ZEB2: variants seen among roughly 807,000 people sequenced by gnomAD.
The protein encoded by ZEB2 is zinc finger E-box-binding homeobox 2.
In ZEB2, 6 loss-of-function variants were observed where a neutral mutation model predicts 99.9. The ratio of observed to expected loss-of-function variants is 0.06; its 90% CI spans 0.03 to 0.12. The LOEUF (loss-of-function observed/expected upper bound fraction) is 0.12, where lower values mean the gene tolerates loss of function less well. Among genes scored for constraint, ZEB2 ranks in the 10% least tolerant of loss-of-function variants. The pLI, the probability that ZEB2 is intolerant of heterozygous loss-of-function variation, is 1.00. For synonymous variants in ZEB2, 517 were observed against 542.5 expected (o/e 0.95, Z 0.65); for missense variants, 969 against 1,502.8 (o/e 0.64, Z 5.87).
chr2:144,490,210 G>C (rs1035643844), intron 2 of ZEB2, among the ~76,000 whole-genome samples: 1 of 152,166 alleles, frequency 6.6e-6, no homozygotes, highest in African/African-American at 2.4e-5. Context: ...TCACTTAGTG[G>C]TTGCATGACA....
At chr2:144,472,051 T>C (rs2149909650) in intron 2 of ZEB2, among the ~76,000 whole-genome samples, 1 of 152,224 alleles carries the variant, frequency 6.6e-6, no homozygotes, top group South Asian at 2.1e-4. Flanking sequence ...TCATGCATAC[T>C]GCACAATATA....
At chr2:144,403,488 T>C (rs1703340081) in intron 6 of ZEB2, among the ~76,000 whole-genome samples, 1 of 152,114 alleles carries the variant, frequency 6.6e-6, no homozygotes, top group African/African-American at 2.4e-5. Context: ...GAAGGTGTTA[T>C]ATGAAAAATG....
intron 1 of ZEB2, chr2:144,517,999 C>A (rs1462605478): frequency 4.4e-5 from 12 of 275,598 alleles, no homozygotes; most frequent in Admixed American, 2.8e-4. Context: ...TTCCTCCCCC[C>A]ACCCTCGCCC....
At chr2:144,493,067 T>C (rs946195839) in intron 2 of ZEB2, among the ~76,000 whole-genome samples, 3 of 152,190 alleles carry the variant, frequency 2.0e-5, no homozygotes, top group African/African-American at 4.8e-5. Flanking sequence ...AAAAGTACCA[T>C]GTATATTTCC....
chr2:144,394,627 T>C (rs912258827), intron 9 of ZEB2: 6 of 152,268 alleles, frequency 3.9e-5, no homozygotes, highest in African/African-American at 1.4e-4. Flanking sequence ...AAAATTTTGA[T>C]GTTTCAAACA....
intron 3 of ZEB2, 104 bp downstream of exon 3, chr2:144,429,665 G>T (rs775301884): frequency 1.3e-6 from 2 of 1,578,168 alleles, no homozygotes; most frequent in Admixed American, 1.7e-5. Context: ...TCAATGGAAA[G>T]AAATATTTTA....
At chr2:144,425,071 C>T (rs1220702381) in intron 3 of ZEB2, 6 of 581,010 alleles carry the variant, frequency 1.0e-5, no homozygotes, top group Non-Finnish European at 1.5e-5. Context: ...TTAAGCATTA[C>T]TGCAAGCTGT....
At chr2:144,393,258 A>C (rs1573710693) in intron 9 of ZEB2, among the ~76,000 whole-genome samples, 1 of 152,192 alleles carries the variant, frequency 6.6e-6, no homozygotes, top group South Asian at 2.1e-4. Flanking sequence ...GCAATAAGCC[A>C]TTGGTAAGAA....
At chr2:144,391,489 C>T (rs1703153501) in intron 9 of ZEB2, among the ~76,000 whole-genome samples, 1 of 152,176 alleles carries the variant, frequency 6.6e-6, no homozygotes. Flanking sequence ...TAATTCAAAC[C>T]ACACAAGAAC....
rs574939538 is a variant in ZEB2, at chr2:144,411,390, T to C, written c.404-6366A>G. ...GAGTTTTTTAGTTTAAGGAAGCACA[T>C]ATTCAGCATTTGTTGAGGTCTATAG... On this transcript the variant is annotated intron_variant, in intron 4 of 9. Coordinates refer to ENST00000627532, the MANE Select transcript of ZEB2 (RefSeq NM_014795.4). Among the ~76,000 whole-genome samples the C allele has an allele frequency of 2.6e-5, 4 of 152,214 alleles. No homozygotes were observed. The East Asian group carries it at 5.8e-4, about 22-fold the overall frequency.
At chr2:144,511,279 A>G (rs1372442277) in intron 2 of ZEB2, 2 of 653,774 alleles carry the variant, frequency 3.1e-6, no homozygotes, top group East Asian at 1.6e-4. Flanking sequence ...GAAAGAAGAG[A>G]AAAGCCAAAA....
chr2:144,516,036 G>C (rs1705132135), intron 2 of ZEB2: 1 of 152,254 alleles, frequency 6.6e-6, no homozygotes, highest in Non-Finnish European at 1.5e-5. Context: ...CCGGGAGGCC[G>C]GGTGGGCGCT....
intron 2 of ZEB2, chr2:144,513,361 A>G (rs1267743475): frequency 7.6e-7 from 1 of 1,321,762 alleles, no homozygotes; most frequent in Non-Finnish European, 9.9e-7. Context: ...TGAAGTTCAG[A>G]GACCAAAGGC....
chr2:144,412,430 A>G lies in ZEB2; in HGVS notation c.404-7406T>C, dbSNP rs180942440. 1.4e-3 allele frequency among the ~76,000 whole-genome samples: 209 copies of G among 152,322 alleles called. 2 individuals carry two copies. Among genetic ancestry groups the G allele is most frequent in the Non-Finnish European group, 1.1e-3 (75 of 68,010 alleles). On this transcript the variant is annotated intron_variant, in intron 4 of 9. Transcript: ENST00000627532. ...TAAGGTGATTTTGCCCAGCAATTCA[A>G]TGCTCTTTTCTTATGCTTTATGTAG...
At chr2:144,481,337 G>A (rs538775597) in intron 2 of ZEB2, among the ~76,000 whole-genome samples, 16 of 152,110 alleles carry the variant, frequency 1.1e-4, no homozygotes, top group Non-Finnish European at 1.8e-4. Context: ...CACATGGCCC[G>A]GGTGTGACTG....
At chr2:144,498,522 C>T (rs1049274928) in intron 2 of ZEB2, among the ~76,000 whole-genome samples, 4 of 152,184 alleles carry the variant, frequency 2.6e-5, no homozygotes, top group East Asian at 1.9e-4. Flanking sequence ...AATATGAAAT[C>T]GTCATCATCA....
intron 4 of ZEB2, among the ~76,000 whole-genome samples, chr2:144,409,998 G>A (rs1008017875): frequency 4.0e-5 from 6 of 149,924 alleles, no homozygotes; most frequent in Admixed American, 6.7e-5. Context: ...TGCCAGCTCC[G>A]TCTCCCAGGT....
chr2:144,457,118 G>C (rs1045225727), intron 2 of ZEB2, among the ~76,000 whole-genome samples: 2 of 152,096 alleles, frequency 1.3e-5, no homozygotes, highest in African/African-American at 4.8e-5. Context: ...TCTCATGTGT[G>C]CCTTAAAAAC....
Position 144,483,827 on chromosome 2 carries a change from C to T in ZEB2, c.73+33451G>A, listed in dbSNP as rs1350324512. ...TCCCATTATCAAATTTCAAAGTCAG[C>T]ATTTGTTCTAAATGGGGCTGATTTA... On this transcript the variant is annotated intron_variant, in intron 2 of 9. Transcript: ENST00000627532. 2.0e-5 allele frequency among the ~76,000 whole-genome samples: 3 copies of T among 152,160 alleles called. No homozygotes were observed. The East Asian group carries it at 5.8e-4, about 29-fold the overall frequency.
Sources: allele counts gnomAD v4.1 joint callset (sites outside exome capture counted in the v4.1 genomes callset), GRCh38; gene constraint gnomAD v4.1.1; transcripts MANE v1.5; gene names NCBI Gene and HGNC (gene_info 2026-07-23, HGNC 2026-07-21).